DLG5: variants seen among roughly 807,000 people sequenced by gnomAD.
DLG5 encodes the protein disks large homolog 5.
Under a neutral mutation model 189.8 loss-of-function variants are expected in DLG5, and 48 were observed. The observed-to-expected ratio is 0.25, with a 90% confidence interval of 0.20 to 0.32. The LOEUF (loss-of-function observed/expected upper bound fraction) is 0.32. Among genes scored for constraint, DLG5 ranks in the 10% least tolerant of loss-of-function variants. The pLI, the probability that DLG5 is intolerant of heterozygous loss-of-function variation, is 1.00. For synonymous variants in DLG5, 1,016 were observed against 1,054.1 expected (o/e 0.96, Z 0.70); for missense variants, 2,160 against 2,544.7 (o/e 0.85, Z 3.25).
At chr10:77,847,229 C>CGA (rs367705052) in intron 5 of DLG5, among the ~76,000 whole-genome samples, 6 of 151,934 alleles carry the variant, frequency 3.9e-5, no homozygotes, top group Admixed American at 2.6e-4. Context: ...GTCAGAAGAC[C>CGA]GAGAGAGAGA....
At chr10:77,797,708 C>T (rs550098504) in intron 27 of DLG5, among the ~76,000 whole-genome samples, 11 of 152,208 alleles carry the variant, frequency 7.2e-5, no homozygotes, top group Non-Finnish European at 1.3e-4. Context: ...GGGATCTGTA[C>T]GCATATGCAG....
At chr10:77,872,531 G>T (rs929316245) in intron 1 of DLG5, among the ~76,000 whole-genome samples, 6 of 152,202 alleles carry the variant, frequency 3.9e-5, no homozygotes, top group Non-Finnish European at 8.8e-5. Context: ...CTGGTGGGGG[G>T]AGTGGTTAAA....
At chr10:77,929,992 T>A (rs189233851), upstream of DLG5, among the ~76,000 whole-genome samples, 21 of 152,292 alleles carry the variant, frequency 1.4e-4, no homozygotes, top group East Asian at 3.9e-3. Flanking sequence ...TAAGGACATC[T>A]CTGTAGATTT....
chr10:77,851,271 C>T (rs1189107427), intron 5 of DLG5, among the ~76,000 whole-genome samples: 3 of 152,204 alleles, frequency 2.0e-5, no homozygotes, highest in Admixed American at 2.0e-4. Context: ...TGAAAACCTA[C>T]AGTCTTTAAA....
chr10:77,801,410 G>C (rs1469740993), intron 27 of DLG5, among the ~76,000 whole-genome samples: 5 of 139,468 alleles, frequency 3.6e-5, no homozygotes, highest in Admixed American at 3.2e-4. Context: ...ATCATGGAGA[G>C]AAAGAAAGAA....
intron 9 of DLG5, among the ~76,000 whole-genome samples, chr10:77,833,650 C>G (rs776821417): frequency 9.9e-5 from 15 of 152,258 alleles, no homozygotes; most frequent in Non-Finnish European, 2.1e-4. Flanking sequence ...TCCTCCCTTC[C>G]TAGTGCCTTG....
intron 12 of DLG5, 61 bp from the exon 13 acceptor site, chr10:77,829,046 C>A: frequency 1.3e-6 from 2 of 1,531,300 alleles, no homozygotes; most frequent in Non-Finnish European, 1.8e-6. Flanking sequence ...CTGGGTCACC[C>A]TACCTCATCT....
At chr10:77,852,107 T>G (rs1844006080) in intron 5 of DLG5, among the ~76,000 whole-genome samples, 1 of 152,132 alleles carries the variant, frequency 6.6e-6, no homozygotes, top group African/African-American at 2.4e-5. Context: ...GTGTGATGAC[T>G]CACACCTGTA....
chr10:77,903,559 G>A (rs890353542), intron 1 of DLG5, among the ~76,000 whole-genome samples: 12 of 151,340 alleles, frequency 7.9e-5, no homozygotes, highest in East Asian at 3.9e-4. Flanking sequence ...CAGAGGTTGC[G>A]GTGAGCCGAG....
chr10:77,912,930 C>T (rs1313778880), intron 1 of DLG5, among the ~76,000 whole-genome samples: 3 of 152,090 alleles, frequency 2.0e-5, no homozygotes, highest in East Asian at 1.9e-4. Context: ...CTGTGGAGAA[C>T]CCCAGGGAAA....
intron 1 of DLG5, among the ~76,000 whole-genome samples, chr10:77,886,413 C>G (rs533258005): frequency 3.3e-5 from 5 of 150,610 alleles, no homozygotes; most frequent in Non-Finnish European, 5.9e-5. Flanking sequence ...CAGAGTCTCG[C>G]TCTGTCACCC....
intron 1 of DLG5, among the ~76,000 whole-genome samples, chr10:77,921,931 A>ATGACT (rs1428479097): frequency 6.6e-6 from 1 of 152,214 alleles, no homozygotes; most frequent in East Asian, 1.9e-4. Flanking sequence ...CCTGGTGGGA[A>ATGACT]TGACTTGAGG....
At chr10:77,806,697 C>T in intron 26 of DLG5, 61 bp downstream of exon 26, 1 of 1,496,036 alleles carries the variant, frequency 6.7e-7, no homozygotes, top group South Asian at 1.2e-5. Context: ...GGGACAGCTC[C>T]ATGGCTGGTG....
chr10:77,897,721 G>A (rs938670717), intron 1 of DLG5, among the ~76,000 whole-genome samples: 2 of 150,552 alleles, frequency 1.3e-5, no homozygotes, highest in Admixed American at 1.3e-4. Context: ...AGGGGAAAGG[G>A]GGAGATAGGA....
chr10:77,798,369 C>G (rs1841032577), intron 27 of DLG5, among the ~76,000 whole-genome samples: 1 of 152,064 alleles, frequency 6.6e-6, no homozygotes, highest in African/African-American at 2.4e-5. Flanking sequence ...GAGGAGGAGT[C>G]ACGGGGCAAA....
chr10:77,802,636 G>C (rs774389381), intron 27 of DLG5, among the ~76,000 whole-genome samples: 1 of 152,198 alleles, frequency 6.6e-6, no homozygotes, highest in Non-Finnish European at 1.5e-5. Flanking sequence ...CTGTAATCCC[G>C]GGTGCAGTGC....
chr10:77,838,027 C>T (rs1020392828), intron 7 of DLG5, among the ~76,000 whole-genome samples: 2 of 152,184 alleles, frequency 1.3e-5, no homozygotes, highest in Admixed American at 1.3e-4. Context: ...GAGGGCACCT[C>T]CCTCTGCTTC....
At chr10:77,875,363 G>A (rs975427421) in intron 1 of DLG5, among the ~76,000 whole-genome samples, 1 of 152,188 alleles carries the variant, frequency 6.6e-6, no homozygotes, top group African/African-American at 2.4e-5. Flanking sequence ...AGGGTAAGAA[G>A]TCTCAGAGCA....
At chr10:77,851,454 G>A (rs1280238249) in intron 5 of DLG5, among the ~76,000 whole-genome samples, 2 of 152,184 alleles carry the variant, frequency 1.3e-5, no homozygotes, top group Non-Finnish European at 2.9e-5. Flanking sequence ...TAAAGGGTGG[G>A]AAGCATGTTG....
Sources: gnomAD v4.1 joint callset for allele counts (sites outside exome capture counted in the v4.1 genomes callset) on GRCh38, gnomAD v4.1.1 for gene constraint, MANE v1.5 for transcripts, NCBI Gene and HGNC (gene_info 2026-07-23, HGNC 2026-07-21) for gene names.